The following KLHL17 variants were observed in gnomAD, a reference collection of about 807,000 sequenced individuals.
KLHL17 encodes the protein kelch-like protein 17.
In KLHL17, 71 loss-of-function variants were observed where a neutral mutation model predicts 64.6. The observed-to-expected ratio is 1.10, with a 90% CI of 0.91 to 1.34. The LOEUF (loss-of-function observed/expected upper bound fraction) is 1.34, where lower values mean the gene tolerates loss of function less well. KLHL17 is among the 40% of genes most tolerant of loss of function. The pLI is 0.00. For synonymous variants in KLHL17, 612 were observed against 405.4 expected, an observed-to-expected ratio of 1.51 and a Z score of -6.12; for missense variants, 1,140 against 935.0, an observed-to-expected ratio of 1.22 and a Z score of -2.86.
chr1:964,745 C>T (rs1484603871), intron 11 of KLHL17, among the ~76,000 whole-genome samples: 2 of 456 alleles, frequency 4.4e-3, no homozygotes, highest in Non-Finnish European at 7.0e-3. Flanking sequence ...GAGGGGGGCG[C>T]GGGTCCGCAG....
rs1342026446 is a variant in KLHL17 at position 962,006 on chromosome 1, G to A, written c.670G>A (p.Val224Met). 6.8e-6 allele frequency: 11 copies of A among 1,612,898 alleles called. No individual in the cohort carries two copies. Among genetic ancestry groups the A allele is most frequent in the South Asian group, 2.2e-5 (2 of 91,086 alleles). ...HRYVLQHFVD[V>M]AKTEEFMLLP... ...GTACGTGCTGCAGCACTTCGTGGAC[G>A]TGGCCAAGACCGAGGAGTTTATGCT... The change falls in exon 4 of 12, where the codon GTG becomes ATG. Residue 224 changes from valine (V) to methionine (M), a missense_variant. Transcript: ENST00000338591.
At position 963,406 on chromosome 1, in the gene KLHL17, G is replaced by A. The variant is rs1356850279; in HGVS notation, c.1257G>A (p.Glu419=). The A allele has an allele frequency of 2.5e-6, 4 of 1,612,550 alleles. No homozygotes were observed. The highest frequency in any genetic ancestry group is 1.3e-5 in the African/African-American group (1 of 74,922). The change falls in exon 8 of 12, where the codon GAG becomes GAA. Residue 419 remains glutamate, a synonymous_variant. Coordinates refer to ENST00000338591, the MANE Select transcript of KLHL17 (RefSeq NM_198317.3). ...YDPVTNTWQP[E]VSMGTRRSCL... The stretch of plus-strand genomic sequence containing the variant: ...CCGTGACTAACACGTGGCAGCCGGA[G>A]GTGTCCATGGGCACAAGGCGAAGCT...
chr1:965,131 G>A lies in KLHL17; in HGVS notation c.1869G>A (p.Glu623=). The A allele has an allele frequency of 2.5e-6, 4 of 1,612,584 alleles. No homozygotes were observed. Among genetic ancestry groups the A allele is most frequent in the Non-Finnish European group, 3.4e-6 (4 of 1,179,872 alleles). ...RRSSVGVAVL[E]LLNFPPPSSP... The stretch of plus-strand genomic sequence containing the variant: ...GCAGTGTGGGTGTGGCGGTGCTGGA[G>A]CTGCTCAATTTCCCGCCGCCATCCT... The change falls in exon 12 of 12, where the codon GAG becomes GAA. Residue 623 remains glutamate, a synonymous_variant. Coordinates refer to ENST00000338591, the MANE Select transcript of KLHL17 (RefSeq NM_198317.3).
Position 961,375 on chromosome 1 carries a change from G to T in KLHL17, c.190G>T (p.Gly64Cys), listed in dbSNP as rs367732148. Residue 64 changes from glycine to cysteine, a missense_variant, in exon 2 of 12, where the codon GGC becomes TGC. By Grantham distance (159) the Gly-to-Cys change is radical (BLOSUM62 -3). Transcript: ENST00000338591. ...EGAVQLLSRE[G>C]HSVAHNSKRH... The stretch of plus-strand genomic sequence containing the variant: ...AGCCGTGCAGCTGCTGAGCCGCGAG[G>T]GCCACAGCGTGGCCCACAACTCCAA... The T allele has an allele frequency of 3.2e-5, 51 of 1,600,952 alleles. No homozygotes were observed. Among genetic ancestry groups the T allele is most frequent in the Non-Finnish European group, 3.7e-5 (44 of 1,175,690 alleles).
chr1:961,688 T>C lies in KLHL17; in HGVS notation c.427T>C (p.Leu143=), dbSNP rs1401593884. Residue 143 remains leucine, a synonymous_variant, in exon 3 of 12, where the codon TTG becomes CTG. Transcript: ENST00000338591. ...VTLHDIDPQA[L]DQLVQFAYTA... is the part of the protein sequence containing the mutation. ...GCTGCACGACATCGACCCTCAGGCCTTGGACCAGCTGGTGCAGTTTGCCTA... is the reference window on the plus strand; with the variant it reads ...GCTGCACGACATCGACCCTCAGGCCCTGGACCAGCTGGTGCAGTTTGCCTA... 6.2e-7 allele frequency: 1 copy of C among 1,612,462 alleles called. No individual in the cohort carries two copies. Among genetic ancestry groups the C allele is most frequent in the Admixed American group, 1.7e-5 (1 of 59,902 alleles).
chr1:961,271 C>T (rs1359302755), intron 1 of KLHL17, 22 bp from the exon 2 acceptor site: 9 of 1,454,564 alleles, frequency 6.2e-6, no homozygotes, highest in East Asian at 5.6e-5. Context: ...GGGGCGAAGC[C>T]TGACCCGCCC....
rs372775936 is a variant in KLHL17 at position 963,331 on chromosome 1, C to A, written c.1188-6C>A. The A allele has an allele frequency of 6.2e-7, 1 of 1,606,686 alleles. No homozygotes were observed. The highest frequency in any genetic ancestry group is 1.7e-5 in the Admixed American group (1 of 59,802). On this transcript the variant is annotated splice_polypyrimidine_tract_variant and splice_region_variant and intron_variant, in intron 7 of 11. Coordinates refer to ENST00000338591, the MANE Select transcript of KLHL17 (RefSeq NM_198317.3). ...GTCTTGACCTGCAGTGGCTTAATTCCGCTAGCTATGATGGGACCTCAGACC... is the reference window on the plus strand; with the variant it reads ...GTCTTGACCTGCAGTGGCTTAATTCAGCTAGCTATGATGGGACCTCAGACC...
At chr1:962,172 C>T in intron 4 of KLHL17, 125 bp downstream of exon 4, 2 of 1,252,760 alleles carry the variant, frequency 1.6e-6, no homozygotes, top group Non-Finnish European at 2.2e-6. Flanking sequence ...TGCTGTGTGT[C>T]CCCGAGACCT....
At position 963,229 on chromosome 1, in the gene KLHL17, G is replaced by A; in HGVS notation, c.1163G>A (p.Gly388Glu). The change falls in exon 7 of 12, where the codon GGG becomes GAG. Residue 388 changes from glycine (G) to glutamate (E), a missense_variant. Physicochemically the swap from Gly to Glu is moderately conservative, Grantham distance 98. Transcript: ENST00000338591. ...RRARVGVAAV[G>E]NRLYAVGGYD... ...GCCCGGGTGGGAGTGGCTGCGGTGG[G>A]GAACCGGCTCTATGCTGTGGGCGGG... The A allele has an allele frequency of 6.2e-7, 1 of 1,607,010 alleles. No individual in the cohort carries two copies. The highest frequency in any genetic ancestry group is 2.2e-5 in the East Asian group (1 of 44,706).
At chr1:963,313 C>T (rs368509581) in intron 7 of KLHL17, 24 bp from the exon 8 acceptor site, 1 of 1,602,224 alleles carries the variant, frequency 6.2e-7, no homozygotes, top group Non-Finnish European at 8.5e-7. Context: ...CCAGTCTTGA[C>T]CTGCAGTGGC....
At chr1:964,637 C>T (rs1351568256) in intron 11 of KLHL17, 107 bp downstream of exon 11, 1 of 738,608 alleles carries the variant, frequency 1.4e-6, no homozygotes, top group Admixed American at 3.6e-5. Context: ...GGCGCGGGTC[C>T]GCAGTGGGGA....
At chr1:963,747 G>C in intron 8 of KLHL17, 173 bp from the exon 9 acceptor site, 1 of 872,344 alleles carries the variant, frequency 1.1e-6, no homozygotes, top group Admixed American at 2.3e-5. Context: ...ACCCAGGGTT[G>C]TTCAGGCAGC....
In KLHL17 at chr1:960,607, C is replaced by A; in HGVS notation, c.-87C>A. On this transcript the variant is annotated 5_prime_UTR_variant, in exon 1 of 12. Transcript: ENST00000338591. ...GCGGGAGTGAGCGACACAGAGCGGG[C>A]CGCCACCGCCGAGCAGCCCTCCGGC... 8.6e-7 allele frequency: 1 copy of A among 1,158,498 alleles called. No homozygotes were observed. The highest frequency in any genetic ancestry group is 1.1e-6 in the Non-Finnish European group (1 of 925,218). The allele number at this position is 1,158,498 out of a possible 1,614,324, so 71.8% of individuals were successfully genotyped here.
chr1:962,080 ACC>A (rs776287833), intron 4 of KLHL17, 33 bp downstream of exon 4: 1 of 769,438 alleles, frequency 1.3e-6, no homozygotes, highest in East Asian at 9.2e-5. Context: ...CTCGCCCCCC[ACC>A]CCACCCCACC....
Position 965,199 on chromosome 1 carries a change from A to G in KLHL17, c.*8A>G, listed in dbSNP as rs1376715257. 6.2e-7 allele frequency: 1 copy of G among 1,610,512 alleles called. No individual in the cohort carries two copies. Among genetic ancestry groups the G allele is most frequent in the Non-Finnish European group, 8.5e-7 (1 of 1,178,522 alleles). On this transcript the variant is annotated 3_prime_UTR_variant, in exon 12 of 12. Transcript: ENST00000338591. Reference sequence around the variant, plus strand: ...TCCTCCACCAGCCTCTGACCCACCTACCACCAGAGGCCTGCAGCCTCCCAC... The same window carrying G: ...TCCTCCACCAGCCTCTGACCCACCTGCCACCAGAGGCCTGCAGCCTCCCAC...
rs768053427 is a variant in KLHL17 at position 961,527 on chromosome 1, C to A, written c.342C>A (p.Ser114Arg). 6.2e-7 allele frequency: 1 copy of A among 1,612,634 alleles called. No individual in the cohort carries two copies. The highest frequency in any genetic ancestry group is 1.7e-5 in the Admixed American group (1 of 60,026). ...ACAAAGTGGTGCTGGCCTCCTGCAGCCCCTACTTCCACGCCATGTTCACAA... is the reference window on the plus strand; with the variant it reads ...ACAAAGTGGTGCTGGCCTCCTGCAGACCCTACTTCCACGCCATGTTCACAA... The part of the protein sequence containing the change: ...RAHKVVLASC[S>R]PYFHAMFTNE... Residue 114 changes from serine to arginine, a missense_variant, in exon 2 of 12, where the codon AGC (serine) becomes AGA (arginine). Ser to Arg is a moderately radical substitution (Grantham distance 110, BLOSUM62 -1). Transcript: ENST00000338591.
chr1:963,519 G>T lies in KLHL17; in HGVS notation c.1355+15G>T. On this transcript the variant is annotated intron_variant, in intron 8 of 11. Transcript: ENST00000338591. ...TGCCTGAACAGGTAGTTGGGGTTGG[G>T]GCCCCAGTGGCTTTGTACAGTCCAT... 2 of 1,598,126 alleles carry T rather than the reference G, an allele frequency of 1.3e-6. No individual in the cohort carries two copies. The highest frequency in any genetic ancestry group is 1.7e-6 in the Non-Finnish European group (2 of 1,171,350).
chr1:962,001 T>G lies in KLHL17; in HGVS notation c.665T>G (p.Val222Gly), dbSNP rs749312698. The G allele has an allele frequency of 6.2e-7, 1 of 1,612,890 alleles. No homozygotes were observed. Among genetic ancestry groups the G allele is most frequent in the Non-Finnish European group, 8.5e-7 (1 of 1,180,008 alleles). Residue 222 changes from valine to glycine, a missense_variant, in exon 4 of 12, where the codon GTG (valine) becomes GGG (glycine). Val to Gly is a moderately radical substitution (Grantham distance 109). Transcript: ENST00000338591. ...AAHRYVLQHF[V>G]DVAKTEEFML... ...CACAGGTACGTGCTGCAGCACTTCGTGGACGTGGCCAAGACCGAGGAGTTT... is the reference window on the plus strand; with the variant it reads ...CACAGGTACGTGCTGCAGCACTTCGGGGACGTGGCCAAGACCGAGGAGTTT...
intron 8 of KLHL17, 114 bp downstream of exon 8, chr1:963,618 G>A (rs1642759172): frequency 3.2e-6 from 4 of 1,257,884 alleles, no homozygotes; most frequent in East Asian, 2.5e-5. Flanking sequence ...GATCCGCGAG[G>A]CCGTTTCACC....
Sources: gnomAD v4.1 joint callset for allele counts (sites outside exome capture counted in the v4.1 genomes callset) on GRCh38, gnomAD v4.1.1 for gene constraint, MANE v1.5 for transcripts, NCBI Gene and HGNC (gene_info 2026-07-23, HGNC 2026-07-21) for gene names.